CCDC178: variants seen among roughly 807,000 people sequenced by gnomAD.
CCDC178 encodes the protein coiled-coil domain-containing protein 178.
In CCDC178, 126 loss-of-function variants were observed where a neutral mutation model predicts 117.4. The observed-to-expected ratio is 1.07, with a 90% CI of 0.93 to 1.24. The LOEUF is 1.24. CCDC178 is among the 50% of genes most tolerant of loss of function. The probability of loss-of-function intolerance (pLI) is 0.00; values close to 1 mark genes in which losing one functional copy is unlikely to be tolerated. For missense variants in CCDC178, 1,030 were observed against 986.9 expected (o/e 1.04, Z -0.59); for synonymous variants, 283 against 313.4 (o/e 0.90, Z 1.02).
intron 21 of CCDC178, among the ~76,000 whole-genome samples, chr18:33,073,762 C>T (rs570044325): frequency 5.3e-4 from 81 of 152,062 alleles, no homozygotes; most frequent in African/African-American, 1.8e-3. Context: ...ATTGAGCATA[C>T]GTTTATGGCA....
intron 21 of CCDC178, among the ~76,000 whole-genome samples, chr18:33,043,187 A>T (rs1207944439): frequency 2.0e-5 from 3 of 152,066 alleles, no homozygotes; most frequent in Non-Finnish European, 4.4e-5. Context: ...AGTAAGTAAC[A>T]CTGAAGGTTC....
chr18:32,994,534 T>G (rs1402040044), intron 21 of CCDC178, among the ~76,000 whole-genome samples: 8 of 152,212 alleles, frequency 5.3e-5, no homozygotes, highest in Non-Finnish European at 1.2e-4. Flanking sequence ...GATACCCTGT[T>G]TCCAGTACCA....
intron 15 of CCDC178, among the ~76,000 whole-genome samples, chr18:33,230,176 C>G (rs2059353278): frequency 6.6e-6 from 1 of 152,108 alleles, no homozygotes; most frequent in Non-Finnish European, 1.5e-5. Flanking sequence ...ATGGTCTCCA[C>G]TGAATATGCA....
At chr18:33,122,794 T>A (rs2057954725) in intron 20 of CCDC178, among the ~76,000 whole-genome samples, 1 of 152,174 alleles carries the variant, frequency 6.6e-6, no homozygotes, top group Non-Finnish European at 1.5e-5. Context: ...TTCACAAGCC[T>A]AATTAGCTAT....
At chr18:33,428,594 T>C (rs2064154866) in intron 2 of CCDC178, among the ~76,000 whole-genome samples, 1 of 151,638 alleles carries the variant, frequency 6.6e-6, no homozygotes, top group African/African-American at 2.4e-5. Context: ...TAGCTGGGCA[T>C]GGTGGTGCAC....
intron 15 of CCDC178, among the ~76,000 whole-genome samples, chr18:33,230,383 A>G (rs1345324653): frequency 6.6e-6 from 1 of 152,156 alleles, no homozygotes; most frequent in African/African-American, 2.4e-5. Context: ...TCAAACATGT[A>G]TCAGCACCAG....
chr18:33,288,679 G>A (rs779869760), intron 12 of CCDC178, among the ~76,000 whole-genome samples: 1 of 152,010 alleles, frequency 6.6e-6, no homozygotes, highest in African/African-American at 2.4e-5. Flanking sequence ...TAAACGCAGA[G>A]TGTAGTTAGA....
chr18:33,049,723 A>C (rs891857645), intron 21 of CCDC178, among the ~76,000 whole-genome samples: 1 of 152,134 alleles, frequency 6.6e-6, no homozygotes, highest in Non-Finnish European at 1.5e-5. Context: ...AGTAACAGAA[A>C]AATCAGAGAA....
At chr18:33,321,243 T>G in intron 11 of CCDC178, among the ~76,000 whole-genome samples, 1 of 152,068 alleles carries the variant, frequency 6.6e-6, no homozygotes, top group Middle Eastern at 3.2e-3. Flanking sequence ...ACAAATGGGA[T>G]GTAATTAAAC....
At chr18:33,365,354 A>G (rs1392053609) in intron 6 of CCDC178, among the ~76,000 whole-genome samples, 4 of 152,108 alleles carry the variant, frequency 2.6e-5, no homozygotes, top group African/African-American at 9.6e-5. Context: ...TAGCTGACAC[A>G]TTGTCAAGGA....
chr18:33,151,544 T>G (rs948819084), intron 20 of CCDC178, among the ~76,000 whole-genome samples: 15 of 152,150 alleles, frequency 9.9e-5, no homozygotes, highest in Non-Finnish European at 1.9e-4. Context: ...AACAGTTCTC[T>G]TAGAAATGTA....
chr18:33,188,128 C>T (rs1479308581), intron 20 of CCDC178, among the ~76,000 whole-genome samples: 1 of 150,532 alleles, frequency 6.6e-6, no homozygotes, highest in African/African-American at 2.4e-5. Context: ...AATAACAGCA[C>T]TAAGCCAGCA....
chr18:33,328,861 AT>A (rs904902002), intron 10 of CCDC178, among the ~76,000 whole-genome samples: 20 of 152,022 alleles, frequency 1.3e-4, no homozygotes, highest in Non-Finnish European at 2.8e-4. Flanking sequence ...TTTGTTCTGG[AT>A]TGCATTGATT....
intron 9 of CCDC178, among the ~76,000 whole-genome samples, chr18:33,340,047 T>G (rs2062796067): frequency 6.6e-6 from 1 of 152,060 alleles, no homozygotes; most frequent in East Asian, 1.9e-4. Flanking sequence ...TAGGAAAATG[T>G]GGGAAAGTTT....
chr18:33,377,753 G>A (rs1240730298), intron 5 of CCDC178, among the ~76,000 whole-genome samples: 1 of 152,120 alleles, frequency 6.6e-6, no homozygotes, highest in South Asian at 2.1e-4. Flanking sequence ...AAATGAGATG[G>A]ATGCAGGTGT....
Position 33,241,255 on chromosome 18 carries a change from A to G in CCDC178, c.1593+3990T>C, listed in dbSNP as rs1172272160. Among the ~76,000 whole-genome samples, 3 of 151,926 alleles carry G rather than the reference A, an allele frequency of 2.0e-5. No individual in the cohort carries two copies. The East Asian group carries it at 5.8e-4, about 29-fold the overall frequency. On this transcript the variant is annotated intron_variant, in intron 15 of 22. Coordinates refer to ENST00000383096, the MANE Select transcript of CCDC178 (RefSeq NM_001105528.4). ...ACTAAGATCATACTGAGTGGGGAAA[A>G]GCTAAACGTCTTTCCTCTAGGAACT...
chr18:33,086,666 T>C (rs1435475425), intron 21 of CCDC178, among the ~76,000 whole-genome samples: 1 of 152,024 alleles, frequency 6.6e-6, no homozygotes, highest in East Asian at 1.9e-4. Context: ...AAGAAGGGGA[T>C]ATAGTACACA....
chr18:33,142,451 A>G (rs1598925771), intron 20 of CCDC178, among the ~76,000 whole-genome samples: 1 of 152,332 alleles, frequency 6.6e-6, no homozygotes, highest in East Asian at 1.9e-4. Flanking sequence ...AAGAGAGAAG[A>G]GTAAATGGGT....
intron 5 of CCDC178, among the ~76,000 whole-genome samples, chr18:33,378,384 G>C (rs532699440): frequency 6.6e-6 from 1 of 152,126 alleles, no homozygotes; most frequent in Non-Finnish European, 1.5e-5. Flanking sequence ...TGTCAGCAAA[G>C]GGACAATGAC....
Sources: allele counts gnomAD v4.1 joint callset (sites outside exome capture counted in the v4.1 genomes callset), GRCh38; gene constraint gnomAD v4.1.1; transcripts MANE v1.5; gene names NCBI Gene and HGNC (gene_info 2026-07-23, HGNC 2026-07-21).